The following CSMD3 variants were observed in gnomAD, a reference collection of about 807,000 sequenced individuals.
CSMD3 encodes CUB and Sushi multiple domains 3.
A neutral mutation model predicts 435.2 loss-of-function variants in CSMD3; 177 were observed. The ratio of observed to expected loss-of-function variants is 0.41; its 90% CI spans 0.36 to 0.46. The LOEUF is 0.46. Ranked by LOEUF, CSMD3 falls within the 20% of genes least tolerant of loss-of-function variation. The pLI, the probability that CSMD3 is intolerant of heterozygous loss-of-function variation, is 0.34. For missense variants in CSMD3, 4,265 were observed against 4,504.6 expected (o/e 0.95, Z 1.52); for synonymous variants, 1,656 against 1,520.5 (o/e 1.09, Z -2.07).
At position 112,859,153 on chromosome 8, in the gene CSMD3, T is replaced by C. The variant is rs2129856539; in HGVS notation, c.1747A>G (p.Thr583Ala). The C allele has an allele frequency of 6.2e-7, 1 of 1,610,934 alleles. No homozygotes were observed. The highest frequency in any genetic ancestry group is 2.2e-5 in the East Asian group (1 of 44,748). The change falls in exon 11 of 71, where the codon ACA becomes GCA. Residue 583 changes from threonine (T) to alanine (A), a missense_variant. Physicochemically the swap from Thr to Ala is moderately conservative, Grantham distance 58 (BLOSUM62 0). Coordinates refer to ENST00000297405, the MANE Select transcript of CSMD3 (RefSeq NM_198123.2). ...QCVWVITAVN[T>A]NKVIQINFEE... ...AGATGGTGTTCTCTTACCTTATTTG[T>C]ATTCACTGCTGTGATGACCCAGACA...
rs2131892078 is a variant in CSMD3 at position 113,173,901 on chromosome 8, G to A, written c.530C>T (p.Ser177Phe). Residue 177 changes from serine to phenylalanine, a missense_variant, in exon 4 of 71, where the codon TCT (serine) becomes TTT (phenylalanine). Around this residue, in one of 3 missense-constraint regions of CSMD3, gnomAD observed 731 missense variants for 755.4 expected, o/e 0.97. Coordinates refer to ENST00000297405, the MANE Select transcript of CSMD3 (RefSeq NM_198123.2). Reference protein sequence around the residue: ...KVYYEELQSSSCGNPGVPPKG... With the variant: ...KVYYEELQSSFCGNPGVPPKG... ...GGGTGGAACACCAGGATTTCCACAAGAGCTACTCTGCAATTCTATTAAAAA... is the reference window on the plus strand; with the variant it reads ...GGGTGGAACACCAGGATTTCCACAAAAGCTACTCTGCAATTCTATTAAAAA... 1 of 1,612,912 alleles carries A rather than the reference G, an allele frequency of 6.2e-7. No individual in the cohort carries two copies. The highest frequency in any genetic ancestry group is 1.7e-5 in the Admixed American group (1 of 59,986).
intron 13 of CSMD3, among the ~76,000 whole-genome samples, chr8:112,756,894 G>A (rs972759582): frequency 6.6e-6 from 1 of 151,238 alleles, no homozygotes; most frequent in Admixed American, 6.6e-5. Context: ...TCAACCTCCC[G>A]AGTAGCTGGA....
chr8:112,385,817 A>G (rs2131266668), intron 36 of CSMD3, among the ~76,000 whole-genome samples: 1 of 152,214 alleles, frequency 6.6e-6, no homozygotes, highest in South Asian at 2.1e-4. Context: ...TCTCCAAGAA[A>G]ATCTATTGCC....
intron 1 of CSMD3, among the ~76,000 whole-genome samples, chr8:113,374,818 T>TAAAAAAAAAAAAAAG (rs2094368963): frequency 3.6e-5 from 1 of 28,112 alleles, no homozygotes; most frequent in African/African-American, 1.2e-4. Flanking sequence ...TGTTAAAAAG[T>TAAAAAAAAAAAAAAG]AAAAAAAAAA....
intron 11 of CSMD3, among the ~76,000 whole-genome samples, chr8:112,850,788 T>A (rs2080461817): frequency 1.3e-5 from 2 of 152,188 alleles, no homozygotes; most frequent in Admixed American, 1.3e-4. Context: ...TGCCTATTTC[T>A]ATAGTGTAAA....
chr8:112,941,009 A>G (rs1197412913), intron 9 of CSMD3, among the ~76,000 whole-genome samples: 2 of 151,822 alleles, frequency 1.3e-5, no homozygotes, highest in African/African-American at 2.4e-5. Flanking sequence ...TTGCACTTAG[A>G]AAAGTTTCTA....
chr8:112,545,117 A>G (rs1827029071), intron 27 of CSMD3, among the ~76,000 whole-genome samples: 1 of 152,112 alleles, frequency 6.6e-6, no homozygotes, highest in Admixed American at 6.5e-5. Flanking sequence ...AGTCTTACGT[A>G]TCATTCAAAC....
intron 28 of CSMD3, among the ~76,000 whole-genome samples, chr8:112,512,892 C>T (rs1051122981): frequency 6.6e-6 from 1 of 152,246 alleles, no homozygotes; most frequent in African/African-American, 2.4e-5. Context: ...TCAGTACCTA[C>T]ATATTCACGT....
chr8:113,292,991 G>A (rs1256409989), intron 2 of CSMD3, among the ~76,000 whole-genome samples: 1 of 151,710 alleles, frequency 6.6e-6, no homozygotes, highest in Non-Finnish European at 1.5e-5. Flanking sequence ...TTGTTTTAGA[G>A]TCCCATTTTA....
chr8:112,511,834 T>A (rs1823176432), intron 28 of CSMD3, among the ~76,000 whole-genome samples: 1 of 152,188 alleles, frequency 6.6e-6, no homozygotes, highest in African/African-American at 2.4e-5. Flanking sequence ...TTTTATCAAC[T>A]AAGTTATGTA....
intron 32 of CSMD3, among the ~76,000 whole-genome samples, chr8:112,445,352 A>T (rs1021477045): frequency 1.3e-5 from 2 of 152,188 alleles, no homozygotes; most frequent in Non-Finnish European, 2.9e-5. Context: ...TTTATAAAGA[A>T]AATAGATTCA....
intron 32 of CSMD3, among the ~76,000 whole-genome samples, chr8:112,427,908 C>A (rs532274710): frequency 6.6e-6 from 1 of 152,238 alleles, no homozygotes; most frequent in Admixed American, 6.5e-5. Flanking sequence ...CTGTCCAAAT[C>A]CAATTTATTC....
chr8:113,008,645 G>T (rs2086145559), intron 6 of CSMD3, among the ~76,000 whole-genome samples: 1 of 151,538 alleles, frequency 6.6e-6, no homozygotes, highest in South Asian at 2.1e-4. Flanking sequence ...TTTAACTGTT[G>T]CATCATATAA....
At chr8:112,603,200 T>G (rs957843353) in intron 22 of CSMD3, among the ~76,000 whole-genome samples, 5 of 152,244 alleles carry the variant, frequency 3.3e-5, no homozygotes, top group African/African-American at 1.2e-4. Context: ...TTTCTTGTAA[T>G]GTAGTGACAT....
chr8:112,306,562 A>G (rs1334244712), intron 50 of CSMD3, among the ~76,000 whole-genome samples: 1 of 152,206 alleles, frequency 6.6e-6, no homozygotes, highest in Non-Finnish European at 1.5e-5. Flanking sequence ...AGCAAGTTTG[A>G]TTAATTCAAT....
intron 4 of CSMD3, among the ~76,000 whole-genome samples, chr8:113,101,810 A>G (rs930156737): frequency 2.0e-5 from 3 of 152,132 alleles, no homozygotes; most frequent in East Asian, 1.9e-4. Context: ...TCATAGAATC[A>G]GTATCTGACA....
chr8:113,161,012 C>G lies in CSMD3; in HGVS notation c.709+12710G>C, dbSNP rs1247872903. Among the ~76,000 whole-genome samples the G allele has an allele frequency of 2.6e-5, 4 of 152,034 alleles. No individual in the cohort carries two copies. In the South Asian group the frequency reaches 6.2e-4, roughly 24 times the overall value. On this transcript the variant is annotated intron_variant, in intron 4 of 70. Coordinates refer to ENST00000297405, the MANE Select transcript of CSMD3 (RefSeq NM_198123.2). ...AGGAATTAAATCTGGCCTTTGGTTA[C>G]AATGTTTGAGGACCAACTGCAGCAT...
chr8:113,162,571 C>CAAAAAAAA (rs753811903), intron 4 of CSMD3, among the ~76,000 whole-genome samples: 1 of 59,792 alleles, frequency 1.7e-5, no homozygotes, highest in Admixed American at 1.9e-4. Flanking sequence ...GTCCCCACAT[C>CAAAAAAAA]AAAAAAAAAA....
At chr8:112,989,913 T>C (rs541481138) in intron 6 of CSMD3, among the ~76,000 whole-genome samples, 5 of 152,102 alleles carry the variant, frequency 3.3e-5, no homozygotes, top group South Asian at 2.1e-4. Flanking sequence ...ATGGAGATAA[T>C]TGAATCATGG....
Sources: gnomAD v4.1 joint callset for allele counts (sites outside exome capture counted in the v4.1 genomes callset) on GRCh38, gnomAD v4.1.1 for gene constraint, gnomAD v4.1.1 regional missense constraint, MANE v1.5 for transcripts, NCBI Gene and HGNC (gene_info 2026-07-23, HGNC 2026-07-21) for gene names.